The following GNAT3 variants were observed in gnomAD, a reference collection of about 807,000 sequenced individuals.
GNAT3 encodes the protein G protein subunit alpha transducin 3.
Under a neutral mutation model 37.7 loss-of-function variants are expected in GNAT3, and 31 were observed. The ratio of observed to expected loss-of-function variants is 0.82; its 90% confidence interval spans 0.62 to 1.11. GNAT3 has a LOEUF of 1.11. Ranked by LOEUF, GNAT3 falls within the 50% of genes most tolerant of loss-of-function variation. The probability of loss-of-function intolerance (pLI) is 0.00; values close to 1 mark genes in which losing one functional copy is unlikely to be tolerated. For missense variants in GNAT3, 437 were observed against 412.5 expected, an observed-to-expected ratio of 1.06 and a Z score of -0.51; for synonymous variants, 138 against 139.8, an observed-to-expected ratio of 0.99 and a Z score of 0.09.
chr7:80,480,356 A>ATTACTC (rs1790373188), intron 3 of GNAT3, among the ~76,000 whole-genome samples: 2 of 152,188 alleles, frequency 1.3e-5, no homozygotes, highest in Non-Finnish European at 2.9e-5. Context: ...TTTAGAAACG[A>ATTACTC]GTAAACCAGT....
At chr7:80,499,672 G>T (rs1186453390) in intron 1 of GNAT3, among the ~76,000 whole-genome samples, 1 of 152,170 alleles carries the variant, frequency 6.6e-6, no homozygotes, top group Non-Finnish European at 1.5e-5. Flanking sequence ...TTTGTTCCAT[G>T]TATTATTTCT....
At chr7:80,499,785 A>C in intron 1 of GNAT3, among the ~76,000 whole-genome samples, 1 of 149,800 alleles carries the variant, frequency 6.7e-6, no homozygotes, top group African/African-American at 2.5e-5. Context: ...ATGAGCTTGC[A>C]CTCATCTCTG....
chr7:80,483,546 C>A (rs1790426593), intron 3 of GNAT3, among the ~76,000 whole-genome samples: 1 of 152,014 alleles, frequency 6.6e-6, no homozygotes, highest in South Asian at 2.1e-4. Flanking sequence ...AAACTCAAAA[C>A]TCAACATAAA....
chr7:80,511,305 T>C (rs1791060598), intron 1 of GNAT3, among the ~76,000 whole-genome samples: 2 of 152,132 alleles, frequency 1.3e-5, no homozygotes, highest in Non-Finnish European at 2.9e-5. Flanking sequence ...CTAAGTAATA[T>C]TGTTAATATA....
intron 7 of GNAT3, 69 bp from the exon 8 acceptor site, chr7:80,458,930 A>G (rs892776334): frequency 4.7e-6 from 5 of 1,062,842 alleles, no homozygotes; most frequent in Non-Finnish European, 6.7e-6. Context: ...TATAAATAAT[A>G]TCAGCAAATT....
intron 2 of GNAT3, among the ~76,000 whole-genome samples, chr7:80,491,293 G>A (rs1041569290): frequency 2.0e-5 from 3 of 152,122 alleles, no homozygotes; most frequent in East Asian, 1.9e-4. Flanking sequence ...ATTTTAGGGC[G>A]ATAGAGGCCA....
chr7:80,467,137 GC>G (rs1226615652), intron 5 of GNAT3, among the ~76,000 whole-genome samples: 1 of 152,100 alleles, frequency 6.6e-6, no homozygotes, highest in African/African-American at 2.4e-5. Context: ...TTAGCCCAGT[GC>G]TCTTTCAGCA....
At chr7:80,478,084 A>AT (rs1474799021) in intron 4 of GNAT3, among the ~76,000 whole-genome samples, 3 of 152,060 alleles carry the variant, frequency 2.0e-5, no homozygotes, top group Admixed American at 1.3e-4. Flanking sequence ...CTAATTTTGT[A>AT]TTTTTTTGTA....
chr7:80,496,629 G>T (rs1790722337), intron 1 of GNAT3, among the ~76,000 whole-genome samples: 1 of 151,976 alleles, frequency 6.6e-6, no homozygotes, highest in Admixed American at 6.6e-5. Flanking sequence ...TATCTGCTTT[G>T]TTCACTGATT....
intron 1 of GNAT3, among the ~76,000 whole-genome samples, chr7:80,494,921 T>C (rs1397604913): frequency 6.6e-6 from 1 of 152,156 alleles, no homozygotes; most frequent in Non-Finnish European, 1.5e-5. Flanking sequence ...GTGTCTATTA[T>C]TCTACTCTTT....
In GNAT3 at chr7:80,510,839, A is replaced by T. The variant is rs1256200552; in HGVS notation, c.118+970T>A. Among the ~76,000 whole-genome samples the T allele has an allele frequency of 2.0e-5, 3 of 152,308 alleles. No homozygotes were observed. In the South Asian group the frequency reaches 6.2e-4, roughly 32 times the overall value. On this transcript the variant is annotated intron_variant, in intron 1 of 7. Transcript: ENST00000398291. ...TAAGTTTAAGTATTTAATTCATTTA[A>T]TATTAAGTATTTAAGTGTTTAAATA...
At chr7:80,467,796 A>G (rs1456778142) in intron 5 of GNAT3, among the ~76,000 whole-genome samples, 1 of 152,056 alleles carries the variant, frequency 6.6e-6, no homozygotes, top group Non-Finnish European at 1.5e-5. Flanking sequence ...TTGGTCAAAT[A>G]TAATAGATTA....
intron 1 of GNAT3, among the ~76,000 whole-genome samples, chr7:80,509,233 T>G (rs1248088758): frequency 2.0e-5 from 3 of 152,094 alleles, no homozygotes; most frequent in Non-Finnish European, 4.4e-5. Context: ...AACATGAGAA[T>G]GAAGTAGAGC....
chr7:80,483,049 G>A (rs1003586604), intron 3 of GNAT3, among the ~76,000 whole-genome samples: 1 of 151,878 alleles, frequency 6.6e-6, no homozygotes, highest in East Asian at 1.9e-4. Context: ...TGGAGCCTAC[G>A]GTAATGATTT....
At chr7:80,484,366 A>G (rs145471943) in intron 3 of GNAT3, among the ~76,000 whole-genome samples, 1 of 152,258 alleles carries the variant, frequency 6.6e-6, no homozygotes, top group East Asian at 1.9e-4. Context: ...TTTGAGTAGT[A>G]ATATTGGTTG....
At chr7:80,474,689 C>A (rs1032615880) in intron 4 of GNAT3, among the ~76,000 whole-genome samples, 2 of 152,100 alleles carry the variant, frequency 1.3e-5, no homozygotes, top group Non-Finnish European at 2.9e-5. Context: ...TCTAAAGGCA[C>A]CTAAATCAAC....
chr7:80,505,671 C>T (rs1179430567), intron 1 of GNAT3, among the ~76,000 whole-genome samples: 2 of 152,070 alleles, frequency 1.3e-5, no homozygotes, highest in Admixed American at 1.3e-4. Flanking sequence ...TGGCAGAGAG[C>T]GATATTTCTA....
chr7:80,509,381 T>G (rs2116237578), intron 1 of GNAT3, among the ~76,000 whole-genome samples: 1 of 152,184 alleles, frequency 6.6e-6, no homozygotes, highest in African/African-American at 2.4e-5. Flanking sequence ...TTATTTTGTA[T>G]AAATAAAATG....
rs555125855 is a variant in GNAT3 at position 80,474,471 on chromosome 7, G to T, written c.462-92C>A. 941 of 503,382 alleles carry T rather than the reference G, an allele frequency of 1.9e-3. 2 individuals carry two copies. Among genetic ancestry groups the T allele is most frequent in the Non-Finnish European group, 1.6e-3 (495 of 301,814 alleles). 31.2% of individuals were successfully genotyped at this position (503,382 alleles called of 1,614,324 possible). On this transcript the variant is annotated intron_variant, in intron 4 of 7. Coordinates refer to ENST00000398291, the MANE Select transcript of GNAT3 (RefSeq NM_001102386.3). ...TATACACACATACATACATATATAT[G>T]TGTGTGTATATATATATATTTTTAA...
Sources: allele counts gnomAD v4.1 joint callset (sites outside exome capture counted in the v4.1 genomes callset), GRCh38; gene constraint gnomAD v4.1.1; transcripts MANE v1.5; gene names NCBI Gene and HGNC (gene_info 2026-07-23, HGNC 2026-07-21).